The following AFF4 variants were observed in gnomAD, a reference collection of about 807,000 sequenced individuals.
The protein encoded by AFF4 is AF4/FMR2 family member 4.
AFF4 carries 13 observed loss-of-function variants against 124.8 expected under a neutral mutation model. That is an observed-to-expected ratio of 0.10 (90% confidence interval 0.07 to 0.17). AFF4 has a LOEUF of 0.17. AFF4 is among the 10% of genes least tolerant of loss of function. The pLI is 1.00. For synonymous variants in AFF4, 477 were observed against 496.1 expected, an observed-to-expected ratio of 0.96 and a Z score of 0.51; for missense variants, 1,092 against 1,403.8, an observed-to-expected ratio of 0.78 and a Z score of 3.55.
chr5:132,948,982 G>A (rs1460017310), intron 1 of AFF4, among the ~76,000 whole-genome samples: 3 of 151,952 alleles, frequency 2.0e-5, no homozygotes, highest in African/African-American at 7.3e-5. Context: ...ACTCTTCCAA[G>A]ACAGAAGATG....
intron 1 of AFF4, among the ~76,000 whole-genome samples, chr5:132,940,852 C>T (rs929141815): frequency 2.6e-5 from 4 of 152,044 alleles, no homozygotes; most frequent in Non-Finnish European, 2.9e-5. Context: ...CACGGTGAAA[C>T]CCCATCTCCA....
At chr5:132,940,519 AAAC>A (rs1761543734) in intron 1 of AFF4, among the ~76,000 whole-genome samples, 1 of 152,218 alleles carries the variant, frequency 6.6e-6, no homozygotes, top group Non-Finnish European at 1.5e-5. Flanking sequence ...ATAAAAATAA[AAAC>A]AAAAAATAAA....
At position 132,897,163 on chromosome 5, in the gene AFF4, G is replaced by A. The variant is rs765468270; in HGVS notation, c.1467C>T (p.Ala489=). ...ATGGGATGTTACTGTCCACTGAAGA[G>A]GCGGGTGACACTTTATGTGGGTTCA... is the stretch of plus-strand genomic sequence containing the variant. ...NKVNPHKVSP[A]SSVDSNIPSS... The change falls in exon 11 of 21, where the codon GCC becomes GCT. Residue 489 remains alanine, a synonymous_variant. Transcript: ENST00000265343. The A allele has an allele frequency of 1.8e-5, 29 of 1,614,092 alleles. No individual in the cohort carries two copies. Among genetic ancestry groups the A allele is most frequent in the African/African-American group, 2.7e-5 (2 of 74,934 alleles).
chr5:132,949,818 C>T (rs1408355357), intron 1 of AFF4, among the ~76,000 whole-genome samples: 4 of 147,288 alleles, frequency 2.7e-5, no homozygotes, highest in African/African-American at 1.0e-4. Flanking sequence ...GCAGAGATCG[C>T]GCCACTGCAC....
chr5:132,922,299 G>A (rs1449730201), intron 5 of AFF4, among the ~76,000 whole-genome samples: 4 of 152,142 alleles, frequency 2.6e-5, no homozygotes, highest in Non-Finnish European at 4.4e-5. Flanking sequence ...TGCACCTGTA[G>A]TCCCAGCTAC....
intron 6 of AFF4, chr5:132,903,925 A>T (rs1255573655): frequency 6.5e-6 from 1 of 153,338 alleles, no homozygotes; most frequent in Non-Finnish European, 1.5e-5. Context: ...AAAGCATAAC[A>T]ATTTTTCAGC....
At position 132,892,325 on chromosome 5, in the gene AFF4, T is replaced by C. The variant is rs764401227; in HGVS notation, c.2476A>G (p.Thr826Ala). ...AGPVPSKDPK[T>A]EHGSRKRTIS... is the part of the protein sequence containing the mutation. ...GTCCTCTTCCGAGAGCCATGCTCTG[T>C]TTTTGGATCTTTTGAAGGAACAGGC... is the stretch of plus-strand genomic sequence containing the variant. The change falls in exon 13 of 21, where the codon ACA becomes GCA. Residue 826 changes from threonine to alanine, a missense_variant. Thr to Ala is a moderately conservative substitution (Grantham distance 58). This residue lies in a region of AFF4 where 293 missense variants were observed against 280.2 expected (regional missense o/e 1.05). Coordinates refer to ENST00000265343, the MANE Select transcript of AFF4 (RefSeq NM_014423.4). 1 of 1,614,086 alleles carries C rather than the reference T, an allele frequency of 6.2e-7. No individual in the cohort carries two copies. Among genetic ancestry groups the C allele is most frequent in the South Asian group, 1.1e-5 (1 of 91,080 alleles).
intron 4 of AFF4, 143 bp downstream of exon 4, chr5:132,932,035 A>G: frequency 2.0e-6 from 1 of 506,654 alleles, no homozygotes; most frequent in Non-Finnish European, 3.5e-6. Context: ...AGAGTAAATT[A>G]TTTATGATGG....
chr5:132,899,493 T>A, intron 8 of AFF4, 94 bp downstream of exon 8: 1 of 1,138,330 alleles, frequency 8.8e-7, no homozygotes, highest in African/African-American at 1.6e-5. Context: ...AGAAACTTAT[T>A]TTAAGTAATA....
intron 20 of AFF4, among the ~76,000 whole-genome samples, chr5:132,882,780 G>A (rs1368588490): frequency 6.7e-6 from 1 of 148,774 alleles, no homozygotes; most frequent in African/African-American, 2.5e-5. Flanking sequence ...CTTGAAACCG[G>A]AAGGTGGAAG....
At chr5:132,930,934 A>T (rs1761283832) in intron 4 of AFF4, among the ~76,000 whole-genome samples, 1 of 68,634 alleles carries the variant, frequency 1.5e-5, no homozygotes, top group Non-Finnish European at 4.2e-5. Context: ...TATCTCTACT[A>T]AAAAAAAAAA....
rs1561488531 is a variant in AFF4 at position 132,904,406 on chromosome 5, TAAGA to T, written c.1051-6_1051-3del. On this transcript the variant is annotated splice_region_variant and splice_polypyrimidine_tract_variant and intron_variant, in intron 5 of 20. Coordinates refer to ENST00000265343, the MANE Select transcript of AFF4 (RefSeq NM_014423.4). ...GCCAAAATTGGACTGCTGAGACTCC[TAAGA>T]AAAAGGAACATAAAATTATACAAAG... 7 of 1,606,296 alleles carry T rather than the reference TAAGA, an allele frequency of 4.4e-6. No individual in the cohort carries two copies. The highest frequency in any genetic ancestry group is 5.1e-6 in the Non-Finnish European group (6 of 1,176,814).
intron 1 of AFF4, among the ~76,000 whole-genome samples, chr5:132,946,374 A>T (rs952778140): frequency 3.9e-5 from 6 of 152,250 alleles, no homozygotes; most frequent in Non-Finnish European, 8.8e-5. Flanking sequence ...TGTTCATAGC[A>T]GCATTGTTCA....
chr5:132,917,878 A>C (rs1581302442), intron 5 of AFF4, among the ~76,000 whole-genome samples: 1 of 142,640 alleles, frequency 7.0e-6, no homozygotes, highest in South Asian at 2.2e-4. Context: ...GCACACAGCT[A>C]ATTTTTGTAT....
Position 132,921,106 on chromosome 5 carries a change from G to A in AFF4, c.1050+6015C>T, listed in dbSNP as rs192452616. ...CGCGCCACTGCACTCTAGCCTGAGC[G>A]ACAGAGCGAGACTCTGTCACAAAAA... On this transcript the variant is annotated intron_variant, in intron 5 of 20. Transcript: ENST00000265343. 2.2e-3 allele frequency among the ~76,000 whole-genome samples: 326 copies of A among 145,622 alleles called. 2 individuals are homozygous for A. The highest frequency in any genetic ancestry group is 8.0e-3 in the African/African-American group (314 of 39,154).
chr5:132,928,418 G>GGT (rs1286672016), intron 4 of AFF4, among the ~76,000 whole-genome samples: 8 of 152,074 alleles, frequency 5.3e-5, no homozygotes, highest in Non-Finnish European at 1.0e-4. Flanking sequence ...ACCTCAGACT[G>GGT]GTGTCATCCT....
intron 5 of AFF4, among the ~76,000 whole-genome samples, chr5:132,910,554 A>G (rs539447937): frequency 8.7e-4 from 133 of 152,320 alleles, no homozygotes; most frequent in African/African-American, 3.0e-3. Flanking sequence ...AGTACCTATT[A>G]AAGTATCACA....
intron 5 of AFF4, among the ~76,000 whole-genome samples, chr5:132,923,844 A>G (rs938522268): frequency 1.3e-5 from 2 of 152,240 alleles, no homozygotes; most frequent in Non-Finnish European, 2.9e-5. Flanking sequence ...AAAAGAAAAC[A>G]TGAATGTTTA....
In AFF4 at chr5:132,877,622, A is replaced by G. The variant is rs1024505925; in HGVS notation, c.*3437T>C. 2.9e-5 allele frequency: 6 copies of G among 209,744 alleles called. No individual in the cohort carries two copies. In the South Asian group the frequency reaches 5.7e-4, roughly 20 times the overall value. 13.0% of individuals were successfully genotyped at this position (209,744 alleles called of 1,614,324 possible). A position where few individuals can be genotyped will look rare whatever the true frequency, so the allele number is the denominator to read the frequency against. On this transcript the variant is annotated 3_prime_UTR_variant, in exon 21 of 21. Coordinates refer to ENST00000265343, the MANE Select transcript of AFF4 (RefSeq NM_014423.4). Reference sequence around the variant, plus strand: ...AGTGCACAGTGTACTCCTCCTCTATATAACTAGGCATCACTGACTGGAACA... The same window carrying G: ...AGTGCACAGTGTACTCCTCCTCTATGTAACTAGGCATCACTGACTGGAACA...
Sources: gnomAD v4.1 joint callset for allele counts (sites outside exome capture counted in the v4.1 genomes callset) on GRCh38, gnomAD v4.1.1 for gene constraint, gnomAD v4.1.1 regional missense constraint, MANE v1.5 for transcripts, NCBI Gene and HGNC (gene_info 2026-07-23, HGNC 2026-07-21) for gene names.